The following LSM12 variants were observed in gnomAD, a reference collection of about 807,000 sequenced individuals.
LSM12 encodes protein LSM12.
For missense variants in LSM12, 108 were observed against 238.9 expected (o/e 0.45, Z 3.61); for synonymous variants, 74 against 87.3 (o/e 0.85, Z 0.85).
At chr17:44,051,132 A>C (rs1355945250) in intron 2 of LSM12, among the ~76,000 whole-genome samples, 1 of 151,562 alleles carries the variant, frequency 6.6e-6, no homozygotes, top group Admixed American at 6.6e-5. Context: ...ATTGGCTGGG[A>C]GTGGTGGCTC....
intron 1 of LSM12, among the ~76,000 whole-genome samples, chr17:44,064,448 G>C (rs144108382): frequency 7.9e-5 from 12 of 152,276 alleles, no homozygotes; most frequent in African/African-American, 2.4e-4. Flanking sequence ...GAGTAATTCA[G>C]CCAGGCTCAC....
upstream of LSM12, among the ~76,000 whole-genome samples, chr17:44,067,181 TC>T (rs2049891529): frequency 6.6e-6 from 1 of 152,086 alleles, no homozygotes; most frequent in Non-Finnish European, 1.5e-5. Context: ...GTGCCTGTAA[TC>T]CCAGCTACTA....
chr17:44,045,997 C>T (rs1180432446), intron 2 of LSM12, among the ~76,000 whole-genome samples: 1 of 135,776 alleles, frequency 7.4e-6, no homozygotes, highest in Non-Finnish European at 1.5e-5. Flanking sequence ...AGTGCAGTGG[C>T]GCGATCTTGG....
intron 2 of LSM12, among the ~76,000 whole-genome samples, chr17:44,042,562 G>A (rs1264465604): frequency 1.2e-5 from 1 of 80,544 alleles, no homozygotes; most frequent in Admixed American, 1.9e-4. Context: ...ACCACCCCCA[G>A]CTAATTTTTT....
chr17:44,059,949 G>C (rs1597897031), intron 2 of LSM12, among the ~76,000 whole-genome samples: 1 of 152,084 alleles, frequency 6.6e-6, no homozygotes, highest in African/African-American at 2.4e-5. Flanking sequence ...CGGATCACAA[G>C]GTCAGGAGAT....
At chr17:44,047,826 T>C (rs1022849999) in intron 2 of LSM12, among the ~76,000 whole-genome samples, 7 of 150,530 alleles carry the variant, frequency 4.7e-5, no homozygotes, top group Non-Finnish European at 5.9e-5. Flanking sequence ...CAAATCATCC[T>C]CCCACCTCAG....
intron 3 of LSM12, among the ~76,000 whole-genome samples, chr17:44,038,745 C>G (rs1443874624): frequency 6.6e-6 from 1 of 152,222 alleles, no homozygotes; most frequent in East Asian, 1.9e-4. Context: ...TTCAGACTGG[C>G]TCTTCTCAAT....
chr17:44,058,845 G>A (rs1167265647), intron 2 of LSM12, among the ~76,000 whole-genome samples: 1 of 151,698 alleles, frequency 6.6e-6, no homozygotes, highest in Non-Finnish European at 1.5e-5. Context: ...AAAAAAGAAA[G>A]AAAAATTAGC....
intron 2 of LSM12, among the ~76,000 whole-genome samples, chr17:44,060,397 T>G (rs780400039): frequency 4.6e-5 from 7 of 152,192 alleles, no homozygotes; most frequent in Non-Finnish European, 1.0e-4. Context: ...ATAGCTGTTT[T>G]CAGCAGTAGC....
At position 44,040,361 on chromosome 17, in the gene LSM12, A is replaced by G. The variant is rs2049472076; in HGVS notation, c.259-105T>C. Reference sequence around the variant, plus strand: ...AGGAGGCCAGGAAAGACTTGTTTGGACAGATTCTGTTTTCTCAGAAATGAA... The same window carrying G: ...AGGAGGCCAGGAAAGACTTGTTTGGGCAGATTCTGTTTTCTCAGAAATGAA... On this transcript the variant is annotated intron_variant, in intron 2 of 4. Coordinates refer to ENST00000293406, the MANE Select transcript of LSM12 (RefSeq NM_001371445.1). 5.1e-6 allele frequency: 4 copies of G among 784,864 alleles called. No individual in the cohort carries two copies. The Admixed American group carries it at 9.6e-5, about 19-fold the overall frequency. 48.6% of individuals were successfully genotyped at this position (784,864 alleles called of 1,614,324 possible). A position where few individuals can be genotyped will look rare whatever the true frequency, so the allele number is the denominator to read the frequency against.
intron 3 of LSM12, among the ~76,000 whole-genome samples, chr17:44,039,663 G>A (rs1339639477): frequency 6.6e-6 from 1 of 151,648 alleles, no homozygotes; most frequent in Admixed American, 6.6e-5. Context: ...TTACAGGCGT[G>A]AGCCACCGCG....
At chr17:44,042,753 G>A (rs1300269649) in intron 2 of LSM12, among the ~76,000 whole-genome samples, 2 of 152,128 alleles carry the variant, frequency 1.3e-5, no homozygotes, top group African/African-American at 4.8e-5. Flanking sequence ...TTTTTTAGTA[G>A]AGATGGGGTT....
chr17:44,064,964 T>G (rs1183726458), intron 1 of LSM12, among the ~76,000 whole-genome samples: 3 of 150,870 alleles, frequency 2.0e-5, no homozygotes, highest in African/African-American at 7.3e-5. Context: ...AAACCCCGTC[T>G]CTACTAAAAA....
At chr17:44,066,313 A>C in intron 1 of LSM12, 151 bp downstream of exon 1, 2 of 917,776 alleles carry the variant, frequency 2.2e-6, no homozygotes, top group Non-Finnish European at 3.1e-6. Flanking sequence ...GGGGGAGGGG[A>C]GCTCAGGGCC....
intron 2 of LSM12, among the ~76,000 whole-genome samples, chr17:44,052,557 G>A (rs35611057): frequency 0.17 from 26,513 of 151,766 alleles, 3,558 homozygotes; most frequent in East Asian, 0.73. Flanking sequence ...TCAGGAGTTC[G>A]AAACCAGCCT....
At chr17:44,057,018 T>C (rs566493673) in intron 2 of LSM12, among the ~76,000 whole-genome samples, 2 of 149,624 alleles carry the variant, frequency 1.3e-5, no homozygotes, top group East Asian at 4.1e-4. Context: ...AAGACGGACG[T>C]GGTGGGGCGC....
chr17:44,061,088 C>A (rs1403050211), intron 2 of LSM12, among the ~76,000 whole-genome samples: 1 of 152,058 alleles, frequency 6.6e-6, no homozygotes, highest in Non-Finnish European at 1.5e-5. Context: ...GAGGCTGAGG[C>A]GGGCGGATCA....
intron 2 of LSM12, among the ~76,000 whole-genome samples, chr17:44,061,392 C>T (rs2049794120): frequency 1.3e-5 from 2 of 151,234 alleles, no homozygotes; most frequent in African/African-American, 4.9e-5. Context: ...ATAGAAGACA[C>T]TCAAAGAGCT....
At chr17:44,053,996 G>A (rs2049678887) in intron 2 of LSM12, among the ~76,000 whole-genome samples, 1 of 152,112 alleles carries the variant, frequency 6.6e-6, no homozygotes, top group South Asian at 2.1e-4. Flanking sequence ...CACGTCAAGG[G>A]TAGGGTGCAG....
Sources: gnomAD v4.1 joint callset for allele counts (sites outside exome capture counted in the v4.1 genomes callset) on GRCh38, gnomAD v4.1.1 for gene constraint, MANE v1.5 for transcripts, NCBI Gene and HGNC (gene_info 2026-07-23, HGNC 2026-07-21) for gene names.